The following SOX5 variants were observed in gnomAD, a reference collection of about 807,000 sequenced individuals.
The protein encoded by SOX5 is transcription factor SOX-5.
SOX5 carries 9 observed loss-of-function variants against 92.0 expected under a neutral mutation model. The observed-to-expected ratio is 0.10, with a 90% CI of 0.06 to 0.17. The LOEUF is 0.17. SOX5 is among the 10% of genes least tolerant of loss of function. The probability of loss-of-function intolerance (pLI) is 1.00; values close to 1 mark genes in which losing one functional copy is unlikely to be tolerated. For synonymous variants in SOX5, 344 were observed against 336.3 expected (o/e 1.02, Z -0.25); for missense variants, 642 against 944.5 (o/e 0.68, Z 4.20).
At chr12:23,745,689 C>A (rs1254654117) in intron 4 of SOX5, among the ~76,000 whole-genome samples, 2 of 152,184 alleles carry the variant, frequency 1.3e-5, no homozygotes, top group East Asian at 3.9e-4. Flanking sequence ...TGCTCCAGCT[C>A]ATGCATCTTG....
At chr12:24,352,917 CA>C (rs1184933809) in intron 2 of SOX5, among the ~76,000 whole-genome samples, 1 of 152,116 alleles carries the variant, frequency 6.6e-6, no homozygotes, top group African/African-American at 2.4e-5. Flanking sequence ...TTGGCAGGTA[CA>C]AGGTCTTTGA....
At chr12:24,097,806 T>C (rs2137908951) in intron 4 of SOX5, among the ~76,000 whole-genome samples, 1 of 152,294 alleles carries the variant, frequency 6.6e-6, no homozygotes, top group Middle Eastern at 3.4e-3. Context: ...CTGTTGCATA[T>C]TCCTCTGAAG....
At chr12:23,977,519 C>G (rs556909641) in intron 4 of SOX5, among the ~76,000 whole-genome samples, 1 of 151,964 alleles carries the variant, frequency 6.6e-6, no homozygotes. Context: ...AAGAATTAGC[C>G]GGGACCGGTG....
intron 1 of SOX5, among the ~76,000 whole-genome samples, chr12:24,415,884 A>T (rs1209656209): frequency 6.6e-6 from 1 of 152,270 alleles, no homozygotes; most frequent in African/African-American, 2.4e-5. Flanking sequence ...AGAAAGAAGT[A>T]AAATGAGGAT....
At chr12:24,190,774 T>C (rs943003966) in intron 4 of SOX5, among the ~76,000 whole-genome samples, 2 of 152,218 alleles carry the variant, frequency 1.3e-5, no homozygotes, top group Admixed American at 1.3e-4. Context: ...AAACCATCAA[T>C]TTAAGATGCA....
intron 2 of SOX5, among the ~76,000 whole-genome samples, chr12:24,350,713 G>A (rs946794283): frequency 1.3e-5 from 2 of 152,128 alleles, no homozygotes; most frequent in Non-Finnish European, 2.9e-5. Context: ...TGGAGGTGGT[G>A]TGTATATGTG....
chr12:23,644,412 C>A (rs759382179), intron 7 of SOX5, among the ~76,000 whole-genome samples: 3 of 152,160 alleles, frequency 2.0e-5, no homozygotes, highest in Non-Finnish European at 4.4e-5. Context: ...TCTTAAGGCA[C>A]AACAGTTTTA....
intron 2 of SOX5, among the ~76,000 whole-genome samples, chr12:24,277,541 GTA>G (rs1944633126): frequency 1.6e-5 from 1 of 61,802 alleles, no homozygotes; most frequent in African/African-American, 4.5e-5. Flanking sequence ...TAATTTATAT[GTA>G]TATAAATTTA....
chr12:24,247,625 A>G (rs1939102622), intron 3 of SOX5, among the ~76,000 whole-genome samples: 1 of 147,080 alleles, frequency 6.8e-6, no homozygotes, highest in Non-Finnish European at 1.5e-5. Flanking sequence ...CAATGCAATG[A>G]TCCCTGATTT....
intron 6 of SOX5, among the ~76,000 whole-genome samples, chr12:23,724,055 T>C (rs923673972): frequency 6.6e-6 from 1 of 152,152 alleles, no homozygotes; most frequent in African/African-American, 2.4e-5. Context: ...GACAATCTCT[T>C]ATCTTGTTTT....
At chr12:24,336,423 C>A (rs536853297) in intron 2 of SOX5, among the ~76,000 whole-genome samples, 1 of 152,004 alleles carries the variant, frequency 6.6e-6, no homozygotes, top group Non-Finnish European at 1.5e-5. Context: ...CAAAGTTCAG[C>A]ATAACACATC....
At chr12:23,830,304 G>A (rs1411305688) in intron 3 of SOX5, among the ~76,000 whole-genome samples, 1 of 152,044 alleles carries the variant, frequency 6.6e-6, no homozygotes, top group Non-Finnish European at 1.5e-5. Context: ...CCATACAGTG[G>A]TGCTTTTGAA....
chr12:24,421,844 C>A (rs1965964709), intron 1 of SOX5, among the ~76,000 whole-genome samples: 1 of 152,160 alleles, frequency 6.6e-6, no homozygotes, highest in South Asian at 2.1e-4. Context: ...CAGACTGATT[C>A]TAATGTTCCC....
At chr12:23,869,884 C>T (rs2096854997) in intron 2 of SOX5, among the ~76,000 whole-genome samples, 1 of 152,138 alleles carries the variant, frequency 6.6e-6, no homozygotes, top group African/African-American at 2.4e-5. Context: ...ATCACAGCCA[C>T]AATTAAGACT....
chr12:24,095,850 G>A (rs1050836628), intron 4 of SOX5, among the ~76,000 whole-genome samples: 1 of 152,108 alleles, frequency 6.6e-6, no homozygotes, highest in East Asian at 1.9e-4. Context: ...TGTGAAGAAG[G>A]TGTCTTGCTT....
chr12:24,511,696 C>T (rs564865555), intron 1 of SOX5, among the ~76,000 whole-genome samples: 10 of 152,140 alleles, frequency 6.6e-5, no homozygotes, highest in African/African-American at 1.9e-4. Context: ...CAGTGGCTCA[C>T]GTCTGTAATC....
chr12:23,924,103 C>T (rs534577446), intron 1 of SOX5, among the ~76,000 whole-genome samples: 134 of 152,224 alleles, frequency 8.8e-4, no homozygotes, highest in Admixed American at 7.7e-3. Context: ...AGTATACATT[C>T]AACAAATATT....
At chr12:23,973,700 C>T (rs1948609336) in intron 4 of SOX5, among the ~76,000 whole-genome samples, 1 of 152,108 alleles carries the variant, frequency 6.6e-6, no homozygotes, top group African/African-American at 2.4e-5. Context: ...GGTTGTGGAC[C>T]AGCACTGGTC....
chr12:23,901,623 TAC>T (rs997335207), intron 1 of SOX5, among the ~76,000 whole-genome samples: 1 of 152,196 alleles, frequency 6.6e-6, no homozygotes, highest in African/African-American at 2.4e-5. Flanking sequence ...TCTTAGTCCT[TAC>T]GCCATTTTGT....
Sources: allele counts gnomAD v4.1 joint callset (sites outside exome capture counted in the v4.1 genomes callset), GRCh38; gene constraint gnomAD v4.1.1; transcripts MANE v1.5; gene names NCBI Gene and HGNC (gene_info 2026-07-23, HGNC 2026-07-21).